ANKRD24: variants seen among roughly 807,000 people sequenced by gnomAD.
ANKRD24 encodes ankyrin repeat domain-containing protein 24.
ANKRD24 carries 109 observed loss-of-function variants against 127.8 expected under a neutral mutation model. The observed-to-expected ratio is 0.85, with a 90% CI of 0.73 to 1.00. The LOEUF (loss-of-function observed/expected upper bound fraction) is 1.00, where lower values mean the gene tolerates loss of function less well. Ranked by LOEUF, ANKRD24 falls within the 50% of genes least tolerant of loss-of-function variation. The pLI is 0.00. For synonymous variants in ANKRD24, 743 were observed against 671.1 expected (o/e 1.11, Z -1.66); for missense variants, 1,648 against 1,570.2 (o/e 1.05, Z -0.84).
chr19:4,186,323 G>A, intron 1 of ANKRD24, 67 bp from the exon 2 acceptor site: 5 of 1,540,504 alleles, frequency 3.2e-6, no homozygotes, highest in Middle Eastern at 2.1e-4. Context: ...AGGAGGGCGA[G>A]GCAACGGACC....
At chr19:4,184,279 G>C (rs547135238) in intron 1 of ANKRD24, among the ~76,000 whole-genome samples, 106 of 152,310 alleles carry the variant, frequency 7.0e-4, no homozygotes, top group African/African-American at 2.5e-3. Flanking sequence ...CACTGTGGCC[G>C]GGAGCTCGGG....
At chr19:4,223,401 A>ATATATTTTT (rs1192232980) in intron 20 of ANKRD24, among the ~76,000 whole-genome samples, 1 of 53,344 alleles carries the variant, frequency 1.9e-5, no homozygotes, top group African/African-American at 9.5e-5. Context: ...ATATATATAT[A>ATATATTTTT]TTTTTTTTTT....
intron 2 of ANKRD24, among the ~76,000 whole-genome samples, chr19:4,189,896 C>T (rs1297007571): frequency 1.3e-5 from 2 of 152,012 alleles, no homozygotes; most frequent in Admixed American, 1.3e-4. Flanking sequence ...CCCAGGGCTG[C>T]GTTACTATGA....
rs1486231040 is a variant in ANKRD24 at position 4,195,164 on chromosome 19, CCG to C, written c.37-4518_37-4517del. 2.0e-5 allele frequency among the ~76,000 whole-genome samples: 3 copies of C among 151,538 alleles called. No individual in the cohort carries two copies. In the East Asian group the frequency reaches 5.8e-4, roughly 29 times the overall value. On this transcript the variant is annotated intron_variant, in intron 2 of 21. Transcript: ENST00000318934. This position sits in a 1 kb window ranked among gnomAD's most constrained non-coding sequence, Gnocchi z 4.2. ...TTCTGCTCACTGCAAGCTCCGCCTC[CCG>C]GGTGCACGCCATTCTCCTGCCTCAG...
rs1968150231 is a variant in ANKRD24, at chr19:4,187,751, T to C, written c.36+1290T>C. Among the ~76,000 whole-genome samples the C allele has an allele frequency of 2.6e-5, 4 of 152,210 alleles. No homozygotes were observed. In the South Asian group the frequency reaches 8.3e-4, roughly 31 times the overall value. The stretch of plus-strand genomic sequence containing the variant: ...CAAGCTTGACTTGGAGCCTTTAGTT[T>C]TCGTATCATGGGATACAACATCCCC... On this transcript the variant is annotated intron_variant, in intron 2 of 21. Transcript: ENST00000318934.
Position 4,198,143 on chromosome 19 carries a change from C to T in ANKRD24, c.37-1540C>T. ...GACGCCCGCGGGTCCCCTGGAGATGCAGCCGGCGGCCTGCGCTGGTGAGGG... is the reference window on the plus strand; with the variant it reads ...GACGCCCGCGGGTCCCCTGGAGATGTAGCCGGCGGCCTGCGCTGGTGAGGG... On this transcript the variant is annotated intron_variant, in intron 2 of 21. Transcript: ENST00000318934. This position sits in a 1 kb window ranked among gnomAD's most constrained non-coding sequence, Gnocchi z 6.1. The T allele has an allele frequency of 1.9e-6, 1 of 524,598 alleles. No homozygotes were observed. The allele number at this position is 524,598 out of a possible 1,614,324, so 32.5% of individuals were successfully genotyped here. A position where few individuals can be genotyped will look rare whatever the true frequency, so the allele number is the denominator to read the frequency against.
intron 10 of ANKRD24, 59 bp from the exon 11 acceptor site, chr19:4,208,705 C>A: frequency 6.4e-7 from 1 of 1,559,880 alleles, no homozygotes; most frequent in Non-Finnish European, 8.8e-7. Flanking sequence ...CTGGGGCCCA[C>A]CAATGCCCTT....
At position 4,195,759 on chromosome 19, in the gene ANKRD24, T is replaced by C. The variant is rs530465008; in HGVS notation, c.37-3924T>C. Among the ~76,000 whole-genome samples, 113 of 152,252 alleles carry C rather than the reference T, an allele frequency of 7.4e-4. No homozygotes were observed. The highest frequency in any genetic ancestry group is 1.4e-3 in the Non-Finnish European group (95 of 68,022). The stretch of plus-strand genomic sequence containing the variant: ...AAATACAAAAATTCGCTAGGCGTGG[T>C]GGCGTGTGCCTGTAATCCCAGCTAC... On this transcript the variant is annotated intron_variant, in intron 2 of 21. Coordinates refer to ENST00000318934, the MANE Select transcript of ANKRD24 (RefSeq NM_001393985.1). This position sits in a 1 kb window ranked among gnomAD's most constrained non-coding sequence, Gnocchi z 4.2.
At chr19:4,185,171 G>T (rs574040405) in intron 1 of ANKRD24, among the ~76,000 whole-genome samples, 1 of 151,890 alleles carries the variant, frequency 6.6e-6, no homozygotes, top group African/African-American at 2.4e-5. Context: ...TGGATAAGTG[G>T]ATGGATGGGT....
rs982717305 is a variant in ANKRD24, at chr19:4,210,820, T to A, written c.1059+448T>A. Among the ~76,000 whole-genome samples the A allele has an allele frequency of 4.7e-5, 7 of 149,162 alleles. No individual in the cohort carries two copies. In the South Asian group the frequency reaches 6.3e-4, roughly 14 times the overall value. On this transcript the variant is annotated intron_variant, in intron 13 of 21. Coordinates refer to ENST00000318934, the MANE Select transcript of ANKRD24 (RefSeq NM_001393985.1). ...AACTCGCTAGTTCACTTTATTTTTT[T>A]TTTATTTATTTTTGGTTTTGTTTTG...
intron 15 of ANKRD24, among the ~76,000 whole-genome samples, chr19:4,215,255 G>T (rs1168790858): frequency 1.3e-5 from 2 of 152,242 alleles, no homozygotes; most frequent in Non-Finnish European, 2.9e-5. Flanking sequence ...GGAGGCCAAG[G>T]CGGGTGGATC....
intron 2 of ANKRD24, among the ~76,000 whole-genome samples, chr19:4,194,978 A>ATT (rs138585703): frequency 6.6e-6 from 1 of 150,376 alleles, no homozygotes; most frequent in African/African-American, 2.4e-5. Context: ...TGATTGATTG[A>ATT]TTTTTTTCAG....
intron 2 of ANKRD24, among the ~76,000 whole-genome samples, chr19:4,191,449 C>T (rs1216368600): frequency 6.6e-6 from 1 of 151,924 alleles, no homozygotes; most frequent in Non-Finnish European, 1.5e-5. Flanking sequence ...TATGTATTTA[C>T]TTTTATTTTA....
At chr19:4,183,839 G>A (rs1303872773) in intron 1 of ANKRD24, among the ~76,000 whole-genome samples, 5 of 152,130 alleles carry the variant, frequency 3.3e-5, no homozygotes, top group African/African-American at 4.8e-5. Flanking sequence ...CCCAGGAGGC[G>A]GAGATTGCGG....
rs1165411893 is a variant in ANKRD24 at position 4,190,296 on chromosome 19, G to A, written c.36+3835G>A. ...TAAAAATACAAAAAATCAGCCGGGC[G>A]TGGTGGCGGGCGCCTGTAGTCCCAG... On this transcript the variant is annotated intron_variant, in intron 2 of 21. Coordinates refer to ENST00000318934, the MANE Select transcript of ANKRD24 (RefSeq NM_001393985.1). Among the ~76,000 whole-genome samples, 3 of 151,894 alleles carry A rather than the reference G, an allele frequency of 2.0e-5. 1 individual carries two copies. The highest frequency in any genetic ancestry group is 2.9e-5 in the Non-Finnish European group (2 of 67,988).
chr19:4,214,995 G>A (rs576677339), intron 15 of ANKRD24, among the ~76,000 whole-genome samples: 58 of 152,208 alleles, frequency 3.8e-4, no homozygotes, highest in Admixed American at 8.5e-4. Flanking sequence ...GGATACTGTC[G>A]CATCCACTCT....
In ANKRD24 at chr19:4,198,466, G is replaced by T. The variant is rs74178438; in HGVS notation, c.37-1217G>T. On this transcript the variant is annotated intron_variant, in intron 2 of 21. Transcript: ENST00000318934. The surrounding 1 kb of genome is among the most constrained non-coding windows in gnomAD (Gnocchi z 6.1). ...GCCGCCTCCTCTTGGAACCCCGTGCGCCCCCCGCGCCCCGCGCCCCGGACG... is the reference window on the plus strand; with the variant it reads ...GCCGCCTCCTCTTGGAACCCCGTGCTCCCCCCGCGCCCCGCGCCCCGGACG... 6 of 612,840 alleles carry T rather than the reference G, an allele frequency of 9.8e-6. No individual in the cohort carries two copies. Among genetic ancestry groups the T allele is most frequent in the African/African-American group, 1.9e-5 (1 of 52,170 alleles). The allele number at this position is 612,840 out of a possible 1,614,324, so 38.0% of individuals were successfully genotyped here.
intron 17 of ANKRD24, 23 bp downstream of exon 17, chr19:4,216,425 C>T (rs1970074805): frequency 6.4e-7 from 1 of 1,558,442 alleles, no homozygotes; most frequent in Admixed American, 1.9e-5. Context: ...AGGCTGGGGA[C>T]AGATCTGAGG....
chr19:4,187,249 C>T (rs1477285436), intron 2 of ANKRD24, among the ~76,000 whole-genome samples: 1 of 151,988 alleles, frequency 6.6e-6, no homozygotes, highest in Non-Finnish European at 1.5e-5. Flanking sequence ...GTTGTCTCTA[C>T]TAAAAATACA....
Sources: gnomAD v4.1 joint callset for allele counts (sites outside exome capture counted in the v4.1 genomes callset) on GRCh38, gnomAD v4.1.1 for gene constraint, Gnocchi (gnomAD v3.1) non-coding constraint, MANE v1.5 for transcripts, NCBI Gene and HGNC (gene_info 2026-07-23, HGNC 2026-07-21) for gene names.